Variants in GFM1 observed in about 807,000 individuals in gnomAD.
The protein encoded by GFM1 is elongation factor G, mitochondrial.
Under a neutral mutation model 96.2 loss-of-function variants are expected in GFM1, and 62 were observed. The ratio of observed to expected loss-of-function variants is 0.64; its 90% CI spans 0.53 to 0.80. The LOEUF (loss-of-function observed/expected upper bound fraction) is 0.80, where lower values mean the gene tolerates loss of function less well. Ranked by LOEUF, GFM1 falls within the 30% of genes least tolerant of loss-of-function variation. The pLI is 0.00. For missense variants in GFM1, 852 were observed against 916.6 expected, an observed-to-expected ratio of 0.93 and a Z score of 0.91; for synonymous variants, 282 against 312.9, an observed-to-expected ratio of 0.90 and a Z score of 1.04.
rs397877329 is a variant in GFM1, at chr3:158,674,080, C to CTTT, written c.1601+7709_1601+7711dup. 2.4e-3 allele frequency among the ~76,000 whole-genome samples: 325 copies of CTTT among 133,004 alleles called. 4 individuals are homozygous for CTTT. The highest frequency in any genetic ancestry group is 8.6e-3 in the African/African-American group (305 of 35,494). 87.3% of individuals were successfully genotyped at this position (133,004 alleles called of 152,430 possible). On this transcript the variant is annotated intron_variant, in intron 13 of 17. Coordinates refer to ENST00000486715, the MANE Select transcript of GFM1 (RefSeq NM_024996.7). ...CGAGACACTGTCTTTCACACATGAC[C>CTTT]TTTTTTTTTTTTTTTTTGGAGACAG...
intron 8 of GFM1, among the ~76,000 whole-genome samples, chr3:158,658,682 C>A (rs1475444574): frequency 6.6e-6 from 1 of 152,056 alleles, no homozygotes; most frequent in Non-Finnish European, 1.5e-5. Context: ...AATGTAATAG[C>A]TTATTTCAAA....
At chr3:158,659,382 T>A (rs76266615) in intron 9 of GFM1, among the ~76,000 whole-genome samples, 1 of 152,234 alleles carries the variant, frequency 6.6e-6, no homozygotes, top group African/African-American at 2.4e-5. Flanking sequence ...AAAAATGTAA[T>A]AGGCATTTAA....
rs1576802429 is a variant in GFM1 at position 158,692,151 on chromosome 3, A to G, written c.*684A>G. 6.6e-6 allele frequency: 1 copy of G among 152,332 alleles called. No individual in the cohort carries two copies. The highest frequency in any genetic ancestry group is 2.4e-5 in the African/African-American group (1 of 41,432). 9.4% of individuals were successfully genotyped at this position (152,332 alleles called of 1,614,324 possible). Reference sequence around the variant, plus strand: ...TTAGCCAAATTTCTCTCTGTTTTATATATGTCTGTTTATTTCAGTTTGTGG... The same window carrying G: ...TTAGCCAAATTTCTCTCTGTTTTATGTATGTCTGTTTATTTCAGTTTGTGG... On this transcript the variant is annotated 3_prime_UTR_variant, in exon 18 of 18. Transcript: ENST00000486715.
intron 8 of GFM1, chr3:158,656,911 C>G (rs79154545): frequency 6.6e-6 from 1 of 152,180 alleles, no homozygotes; most frequent in African/African-American, 2.4e-5. Flanking sequence ...GCTGGCACTA[C>G]AAGACGCCTC....
chr3:158,646,970 A>G (rs746628536), intron 4 of GFM1, 23 bp downstream of exon 4: 1 of 1,581,514 alleles, frequency 6.3e-7, no homozygotes, highest in South Asian at 1.1e-5. Context: ...AGAATAAACA[A>G]AGAGGATGTG....
chr3:158,656,081 G>A (rs1722729902), intron 8 of GFM1: 1 of 345,720 alleles, frequency 2.9e-6, no homozygotes. Context: ...GAGGTGAAGT[G>A]TTATTCTTGT....
intron 14 of GFM1, among the ~76,000 whole-genome samples, chr3:158,682,605 G>C (rs893697606): frequency 1.3e-5 from 2 of 152,190 alleles, no homozygotes; most frequent in Non-Finnish European, 2.9e-5. Flanking sequence ...TAAACTGAGA[G>C]AAAATACTTA....
intron 15 of GFM1, among the ~76,000 whole-genome samples, chr3:158,689,749 A>C (rs1001081960): frequency 9.8e-6 from 1 of 102,554 alleles, no homozygotes; most frequent in Admixed American, 1.1e-4. Flanking sequence ...TTGGGTGACA[A>C]AAAAAAAAAA....
In GFM1 at chr3:158,691,449, A is replaced by G. The variant is rs962534727; in HGVS notation, c.2238A>G (p.Lys746=). Residue 746 remains lysine (K), a synonymous_variant, in exon 18 of 18, where the codon AAA becomes AAG. Coordinates refer to ENST00000486715, the MANE Select transcript of GFM1 (RefSeq NM_024996.7). ...LEATGQLPVK[K]GKAKN is the part of the protein sequence containing the mutation. ...CTACAGGTCAACTTCCTGTTAAAAAAGGAAAAGCCAAGAACTAACTTTGCT... is the reference window on the plus strand; with the variant it reads ...CTACAGGTCAACTTCCTGTTAAAAAGGGAAAAGCCAAGAACTAACTTTGCT... 3.1e-6 allele frequency: 5 copies of G among 1,613,836 alleles called. No homozygotes were observed. Among genetic ancestry groups the G allele is most frequent in the Non-Finnish European group, 2.5e-6 (3 of 1,179,824 alleles).
chr3:158,660,707 T>G, intron 9 of GFM1, 167 bp from the exon 10 acceptor site: 2 of 641,784 alleles, frequency 3.1e-6, no homozygotes, highest in Non-Finnish European at 2.8e-6. Context: ...CGTCTTAGCA[T>G]GGTTGATTAT....
rs183766722 is a variant in GFM1, at chr3:158,690,895, G to A, written c.2071-244G>A. ...GGATGAGGAGGGAAGGCTGTCAATG[G>A]TGTTCACTCCACGAAGTGGAAAGAT... On this transcript the variant is annotated intron_variant, in intron 16 of 17. Coordinates refer to ENST00000486715, the MANE Select transcript of GFM1 (RefSeq NM_024996.7). Among the ~76,000 whole-genome samples, 3 of 152,320 alleles carry A rather than the reference G, an allele frequency of 2.0e-5. No individual in the cohort carries two copies. In the East Asian group the frequency reaches 5.8e-4, roughly 29 times the overall value.
chr3:158,645,756 C>T lies in GFM1; in HGVS notation c.209C>T (p.Thr70Ile). The T allele has an allele frequency of 6.2e-7, 1 of 1,612,680 alleles. No homozygotes were observed. The highest frequency in any genetic ancestry group is 2.2e-5 in the East Asian group (1 of 44,866). ...TTAACAGAACGAGTCCTTTACTACACTGGCAGAATTGCAAAGATGCATGAG... is the reference window on the plus strand; with the variant it reads ...TTAACAGAACGAGTCCTTTACTACATTGGCAGAATTGCAAAGATGCATGAG... ...TTLTERVLYY[T>I]GRIAKMHEVK... is the part of the protein sequence containing the mutation. The change falls in exon 2 of 18, where the codon ACT becomes ATT. Residue 70 changes from threonine to isoleucine, a missense_variant. By Grantham distance (89) the Thr-to-Ile change is moderately conservative (BLOSUM62 -1). Coordinates refer to ENST00000486715, the MANE Select transcript of GFM1 (RefSeq NM_024996.7).
chr3:158,651,535 C>T (rs1722298258), intron 5 of GFM1, among the ~76,000 whole-genome samples: 2 of 152,142 alleles, frequency 1.3e-5, no homozygotes, highest in Admixed American at 1.3e-4. Flanking sequence ...TTTAGTTTAG[C>T]GCTTACTGCA....
chr3:158,650,323 G>T, intron 5 of GFM1: 1 of 462,090 alleles, frequency 2.2e-6, no homozygotes, highest in Non-Finnish European at 4.0e-6. Flanking sequence ...CTAGGCAGTT[G>T]TAACTGCCTA....
intron 10 of GFM1, among the ~76,000 whole-genome samples, chr3:158,661,586 A>G (rs140091016): frequency 3.5e-4 from 54 of 152,328 alleles, no homozygotes; most frequent in African/African-American, 1.3e-3. Flanking sequence ...AAGAGCATGC[A>G]CAGGTAGCTC....
chr3:158,655,205 T>G (rs1426018934), intron 8 of GFM1, among the ~76,000 whole-genome samples: 3 of 152,004 alleles, frequency 2.0e-5, no homozygotes. Flanking sequence ...ATCCCAGCAC[T>G]TTGGGAGGCT....
intron 13 of GFM1, 120 bp from the exon 14 acceptor site, chr3:158,681,875 A>G (rs1037576782): frequency 5.6e-5 from 48 of 860,242 alleles, no homozygotes; most frequent in Admixed American, 2.2e-4. Context: ...TTTTATAGCA[A>G]GACCATCATA....
At chr3:158,684,764 C>A in intron 15 of GFM1, 96 bp downstream of exon 15, 2 of 1,241,688 alleles carry the variant, frequency 1.6e-6, no homozygotes, top group Non-Finnish European at 2.3e-6. Flanking sequence ...TCACCCAGAG[C>A]ACTAGGCTCC....
chr3:158,669,254 G>C, intron 13 of GFM1: 1 of 1,231,266 alleles, frequency 8.1e-7, no homozygotes, highest in South Asian at 1.4e-5. Flanking sequence ...ATTTAATTAA[G>C]CTATGGATCT....
Sources: gnomAD v4.1 joint callset for allele counts (sites outside exome capture counted in the v4.1 genomes callset) on GRCh38, gnomAD v4.1.1 for gene constraint, MANE v1.5 for transcripts, NCBI Gene and HGNC (gene_info 2026-07-23, HGNC 2026-07-21) for gene names.